SLC44A3: variants seen among roughly 807,000 people sequenced by gnomAD.
SLC44A3 encodes the protein choline transporter-like protein 3.
A neutral mutation model predicts 75.4 loss-of-function variants in SLC44A3; 74 were observed. The observed-to-expected ratio is 0.98, with a 90% CI of 0.81 to 1.19. The LOEUF is 1.19. Ranked by LOEUF, SLC44A3 falls within the 50% of genes most tolerant of loss-of-function variation. The probability of loss-of-function intolerance (pLI) is 0.00; values close to 1 mark genes in which losing one functional copy is unlikely to be tolerated. For synonymous variants in SLC44A3, 310 were observed against 296.9 expected, an observed-to-expected ratio of 1.04 and a Z score of -0.45; for missense variants, 700 against 778.6, an observed-to-expected ratio of 0.90 and a Z score of 1.20.
intron 12 of SLC44A3, among the ~76,000 whole-genome samples, chr1:94,871,085 C>A (rs1211853657): frequency 6.6e-6 from 1 of 152,164 alleles, no homozygotes; most frequent in Non-Finnish European, 1.5e-5. Flanking sequence ...AGTCTGTTTT[C>A]CCTCCAGGAC....
At chr1:94,826,170 A>C (rs1252049878) in intron 3 of SLC44A3, among the ~76,000 whole-genome samples, 1 of 152,212 alleles carries the variant, frequency 6.6e-6, no homozygotes, top group Non-Finnish European at 1.5e-5. Flanking sequence ...CTTACATGAG[A>C]TATGTAAAGT....
chr1:94,893,658 T>G (rs1670462873), intron 14 of SLC44A3, among the ~76,000 whole-genome samples: 1 of 152,164 alleles, frequency 6.6e-6, no homozygotes, highest in Non-Finnish European at 1.5e-5. Context: ...ATTACAGTTG[T>G]GAGCCACCGC....
chr1:94,828,465 G>T, intron 4 of SLC44A3, 28 bp from the exon 5 acceptor site: 2 of 1,589,184 alleles, frequency 1.3e-6, no homozygotes, highest in South Asian at 2.2e-5. Flanking sequence ...TGGAAAGAAG[G>T]TATAATGTCT....
chr1:94,876,263 T>C (rs1011987168), intron 12 of SLC44A3, among the ~76,000 whole-genome samples: 7 of 152,232 alleles, frequency 4.6e-5, no homozygotes, highest in African/African-American at 1.7e-4. Context: ...GCTTCAACGT[T>C]TCCCAAATTC....
At chr1:94,829,472 C>T (rs186183599) in intron 5 of SLC44A3, among the ~76,000 whole-genome samples, 105 of 152,240 alleles carry the variant, frequency 6.9e-4, no homozygotes, top group Admixed American at 6.1e-3. Flanking sequence ...CTTGCAAGGT[C>T]TTATTCACCC....
Position 94,883,927 on chromosome 1 carries a change from A to G in SLC44A3, c.1483-7203A>G, listed in dbSNP as rs558271748. On this transcript the variant is annotated intron_variant, in intron 12 of 14. Transcript: ENST00000271227. ...CCAGCCTGCCTTTCTTCCTCTGTGT[A>G]TATTCACAGAGGGGTGCTGGGGTGA... is the stretch of plus-strand genomic sequence containing the variant. 1.2e-3 allele frequency among the ~76,000 whole-genome samples: 179 copies of G among 152,140 alleles called. 1 individual carries two copies. The highest frequency in any genetic ancestry group is 1.4e-3 in the Admixed American group (21 of 15,282).
intron 12 of SLC44A3, among the ~76,000 whole-genome samples, chr1:94,868,672 A>G (rs1231359882): frequency 6.6e-6 from 1 of 152,288 alleles, no homozygotes; most frequent in Admixed American, 6.5e-5. Flanking sequence ...GCAAAAATGT[A>G]TTAACTATGA....
intron 12 of SLC44A3, among the ~76,000 whole-genome samples, chr1:94,874,972 T>C (rs528162498): frequency 6.6e-6 from 1 of 152,350 alleles, no homozygotes; most frequent in Admixed American, 6.5e-5. Flanking sequence ...AATCATCTGA[T>C]TGGAAAACTA....
intron 9 of SLC44A3, among the ~76,000 whole-genome samples, chr1:94,854,701 A>C (rs981360329): frequency 5.9e-5 from 9 of 152,022 alleles, no homozygotes; most frequent in Non-Finnish European, 1.2e-4. Context: ...ACGTTTGTCT[A>C]AACCAATGGT....
chr1:94,864,959 C>A, intron 11 of SLC44A3, 60 bp downstream of exon 11: 1 of 1,567,910 alleles, frequency 6.4e-7, no homozygotes, highest in South Asian at 1.2e-5. Context: ...AACTTAATTA[C>A]TGGAAAACTA....
intron 9 of SLC44A3, among the ~76,000 whole-genome samples, chr1:94,845,665 T>C (rs539481806): frequency 6.6e-6 from 1 of 152,336 alleles, no homozygotes; most frequent in Admixed American, 6.5e-5. Context: ...TTAAAGAAGC[T>C]GGGTTTGTGT....
chr1:94,840,307 T>G (rs1203075877), intron 7 of SLC44A3, among the ~76,000 whole-genome samples: 1 of 147,152 alleles, frequency 6.8e-6, no homozygotes, highest in Non-Finnish European at 1.5e-5. Context: ...TTTTTTTTTT[T>G]GAGGCAGGCT....
chr1:94,855,837 T>C (rs1328083819), intron 9 of SLC44A3, among the ~76,000 whole-genome samples: 1 of 152,160 alleles, frequency 6.6e-6, no homozygotes, highest in Non-Finnish European at 1.5e-5. Context: ...TGGCAGGAAA[T>C]ATGAAACAAT....
intron 10 of SLC44A3, among the ~76,000 whole-genome samples, chr1:94,859,468 C>G (rs1173025108): frequency 1.3e-5 from 2 of 152,174 alleles, no homozygotes; most frequent in Non-Finnish European, 2.9e-5. Flanking sequence ...GCAGAAGCAG[C>G]CTGTCCGTGT....
At chr1:94,834,912 A>C (rs1662578701) in intron 5 of SLC44A3, among the ~76,000 whole-genome samples, 1 of 152,184 alleles carries the variant, frequency 6.6e-6, no homozygotes. Flanking sequence ...TTACAAGGAG[A>C]AACCCGGCAG....
At chr1:94,857,204 G>A in intron 9 of SLC44A3, 131 bp from the exon 10 acceptor site, 1 of 816,614 alleles carries the variant, frequency 1.2e-6, no homozygotes, top group Non-Finnish European at 1.9e-6. Context: ...TTTAAATTAT[G>A]GTGGGTACTT....
At chr1:94,873,084 C>G (rs1667936725) in intron 12 of SLC44A3, among the ~76,000 whole-genome samples, 1 of 152,198 alleles carries the variant, frequency 6.6e-6, no homozygotes, top group Non-Finnish European at 1.5e-5. Context: ...AATAAAATAA[C>G]TGGTGATGAG....
intron 12 of SLC44A3, among the ~76,000 whole-genome samples, chr1:94,882,493 C>T (rs1669113187): frequency 6.6e-6 from 1 of 152,190 alleles, no homozygotes; most frequent in African/African-American, 2.4e-5. Context: ...AAAGCCAGGC[C>T]TTGCTTCTGA....
intron 9 of SLC44A3, among the ~76,000 whole-genome samples, chr1:94,848,003 C>T (rs191522000): frequency 0.011 from 1,640 of 152,160 alleles, 32 homozygotes; most frequent in African/African-American, 0.037. Flanking sequence ...CCAAGGCGGG[C>T]GGATCATGAG....
Sources: gnomAD v4.1 joint callset for allele counts (sites outside exome capture counted in the v4.1 genomes callset) on GRCh38, gnomAD v4.1.1 for gene constraint, MANE v1.5 for transcripts, NCBI Gene and HGNC (gene_info 2026-07-23, HGNC 2026-07-21) for gene names.